YAE1: variants seen among roughly 807,000 people sequenced by gnomAD.
The protein encoded by YAE1 is protein YAE1 homolog.
A neutral mutation model predicts 23.0 loss-of-function variants in YAE1; 22 were observed. That is an observed-to-expected ratio of 0.96 (90% CI 0.68 to 1.37). The LOEUF (loss-of-function observed/expected upper bound fraction) is 1.37, where lower values mean the gene tolerates loss of function less well. Among genes scored for constraint, YAE1 ranks in the 40% most tolerant of loss-of-function variants. YAE1 has a pLI of 0.00. For synonymous variants in YAE1, 101 were observed against 97.0 expected (o/e 1.04, Z -0.24); for missense variants, 260 against 262.1 (o/e 0.99, Z 0.06).
At chr7:39,575,093 T>A (rs986588933), downstream of YAE1, among the ~76,000 whole-genome samples, 4 of 152,194 alleles carry the variant, frequency 2.6e-5, no homozygotes, top group African/African-American at 9.7e-5. Flanking sequence ...GAGAATACCC[T>A]GCATGAGCAT....
chr7:39,602,727 GT>G (rs1791070083), intron 2 of YAE1, among the ~76,000 whole-genome samples: 1 of 103,514 alleles, frequency 9.7e-6, no homozygotes, highest in African/African-American at 4.3e-5. Flanking sequence ...TCAAAGTTTG[GT>G]TTTTTGTTTG....
chr7:39,574,018 C>T (rs1005351782), downstream of YAE1, among the ~76,000 whole-genome samples: 1 of 152,208 alleles, frequency 6.6e-6, no homozygotes, highest in African/African-American at 2.4e-5. Context: ...GTATTATAAG[C>T]AGCCTCTAAA....
chr7:39,582,383 A>T (rs1015786617), intron 2 of YAE1, among the ~76,000 whole-genome samples: 44 of 152,214 alleles, frequency 2.9e-4, no homozygotes, highest in African/African-American at 1.0e-3. Context: ...TATAATTTTA[A>T]CCTATCAGCT....
intron 1 of YAE1, among the ~76,000 whole-genome samples, chr7:39,567,997 T>C (rs918872730): frequency 2.6e-5 from 4 of 152,134 alleles, no homozygotes; most frequent in Non-Finnish European, 5.9e-5. Flanking sequence ...CACACAATAT[T>C]AGCAGTTAGG....
At chr7:39,611,707 T>C (rs180863573), downstream of YAE1, among the ~76,000 whole-genome samples, 72 of 152,322 alleles carry the variant, frequency 4.7e-4, no homozygotes, top group Non-Finnish European at 2.9e-5. Context: ...GGGAGTTAAG[T>C]ATACATTTAT....
At chr7:39,591,930 C>T (rs570992559) in intron 2 of YAE1, among the ~76,000 whole-genome samples, 189 of 152,318 alleles carry the variant, frequency 1.2e-3, no homozygotes, top group African/African-American at 4.2e-3. Flanking sequence ...TAGTTGGAAT[C>T]ATACATTATG....
intron 2 of YAE1, among the ~76,000 whole-genome samples, chr7:39,585,314 G>A (rs139236317): frequency 1.8e-3 from 270 of 152,312 alleles, no homozygotes; most frequent in Non-Finnish European, 2.9e-3. Context: ...CTCAGAAGGT[G>A]ACTGTATTTG....
chr7:39,569,130 A>G (rs1338222611), intron 1 of YAE1, among the ~76,000 whole-genome samples: 4 of 152,242 alleles, frequency 2.6e-5, no homozygotes, highest in Non-Finnish European at 4.4e-5. Context: ...ACAAATATAC[A>G]TAAATCTTAT....
chr7:39,590,640 C>A (rs1790888896), intron 2 of YAE1, among the ~76,000 whole-genome samples: 2 of 152,168 alleles, frequency 1.3e-5, no homozygotes, highest in African/African-American at 4.8e-5. Flanking sequence ...GCCTTATACA[C>A]ATAGCTTTAA....
intron 2 of YAE1, 155 bp downstream of exon 2, chr7:39,570,782 T>C (rs1390118937): frequency 6.5e-6 from 6 of 925,704 alleles, no homozygotes; most frequent in Middle Eastern, 3.4e-4. Context: ...CTTCAAAAAG[T>C]CAAAATCTTT....
intron 2 of YAE1, among the ~76,000 whole-genome samples, chr7:39,602,812 A>C (rs1393564343): frequency 6.6e-6 from 1 of 151,760 alleles, no homozygotes; most frequent in Non-Finnish European, 1.5e-5. Context: ...GCCGTGGCAC[A>C]ATCTCAGTTC....
intron 2 of YAE1, chr7:39,609,473 A>T: frequency 3.7e-6 from 4 of 1,090,212 alleles, no homozygotes; most frequent in Non-Finnish European, 3.8e-6. Context: ...GAATGGGGAA[A>T]GTTGGGGGGT....
chr7:39,612,044 A>G (rs990966376), downstream of YAE1, among the ~76,000 whole-genome samples: 9 of 152,216 alleles, frequency 5.9e-5, no homozygotes, highest in African/African-American at 2.2e-4. Context: ...TTTTCATTAT[A>G]TGGTGTTAAC....
chr7:39,597,525 C>T (rs1339746158), intron 2 of YAE1, among the ~76,000 whole-genome samples: 1 of 152,222 alleles, frequency 6.6e-6, no homozygotes, highest in East Asian at 1.9e-4. Context: ...TATTACATCT[C>T]ACTTTTCCTC....
chr7:39,577,708 C>T (rs1380124788), downstream of YAE1, among the ~76,000 whole-genome samples: 1 of 152,218 alleles, frequency 6.6e-6, no homozygotes, highest in Non-Finnish European at 1.5e-5. Flanking sequence ...CTGCGCAGCC[C>T]AAGCCTCCCC....
intron 1 of YAE1, among the ~76,000 whole-genome samples, chr7:39,568,127 A>T (rs1790504708): frequency 1.3e-5 from 2 of 152,140 alleles, no homozygotes; most frequent in Admixed American, 1.3e-4. Flanking sequence ...AGTCCCAGCT[A>T]CTTGGGAGGC....
At chr7:39,597,345 G>A (rs1470726822) in intron 2 of YAE1, among the ~76,000 whole-genome samples, 1 of 152,134 alleles carries the variant, frequency 6.6e-6, no homozygotes, top group Non-Finnish European at 1.5e-5. Flanking sequence ...GGAAGTGAGA[G>A]GACTGCTTGA....
At position 39,592,562 on chromosome 7, in the gene YAE1, C is replaced by T. The variant is rs140818069; in HGVS notation, c.252-17055C>T. Among the ~76,000 whole-genome samples, 28 of 152,078 alleles carry T rather than the reference C, an allele frequency of 1.8e-4. No individual in the cohort carries two copies. In the East Asian group the frequency reaches 4.6e-3, roughly 25 times the overall value. On this transcript the variant is annotated intron_variant, in intron 2 of 2. Coordinates refer to the YAE1 transcript ENST00000432096. ...TGCACATACTACCACCCAATAAAGCCGTAGTAAAGTCAAAAAATCACAAGT... is the reference window on the plus strand; with the variant it reads ...TGCACATACTACCACCCAATAAAGCTGTAGTAAAGTCAAAAAATCACAAGT...
intron 2 of YAE1, among the ~76,000 whole-genome samples, chr7:39,588,821 G>GTTT (rs5883698): frequency 3.3e-5 from 5 of 149,608 alleles, no homozygotes; most frequent in African/African-American, 9.8e-5. Flanking sequence ...ATAATTTTAG[G>GTTT]TTTTTTTTTT....
Sources: allele counts gnomAD v4.1 joint callset (sites outside exome capture counted in the v4.1 genomes callset), GRCh38; gene constraint gnomAD v4.1.1; transcripts MANE v1.5; gene names NCBI Gene and HGNC (gene_info 2026-07-23, HGNC 2026-07-21).